KIF14: variants seen among roughly 807,000 people sequenced by gnomAD.
KIF14 encodes the protein kinesin family member 14.
A neutral mutation model predicts 176.2 loss-of-function variants in KIF14; 98 were observed. The ratio of observed to expected loss-of-function variants is 0.56; its 90% confidence interval spans 0.47 to 0.66. The LOEUF (loss-of-function observed/expected upper bound fraction) is 0.66. KIF14 is among the 30% of genes least tolerant of loss of function. KIF14 has a pLI of 0.00. For missense variants in KIF14, 1,751 were observed against 1,920.4 expected (o/e 0.91, Z 1.65); for synonymous variants, 566 against 632.2 (o/e 0.90, Z 1.57).
At chr1:200,561,348 G>A (rs369001959) in intron 25 of KIF14, among the ~76,000 whole-genome samples, 1 of 152,044 alleles carries the variant, frequency 6.6e-6, no homozygotes, top group East Asian at 1.9e-4. Flanking sequence ...AGGCCAGCCT[G>A]GTCAATATGG....
At chr1:200,576,477 C>CGAAA (rs576387999) in intron 21 of KIF14, among the ~76,000 whole-genome samples, 1 of 87,484 alleles carries the variant, frequency 1.1e-5, no homozygotes. Flanking sequence ...GACTCCGTCT[C>CGAAA]AAAAAAAAAA....
At chr1:200,615,704 A>G (rs1320354393) in intron 2 of KIF14, 95 bp from the exon 3 acceptor site, 6 of 1,071,870 alleles carry the variant, frequency 5.6e-6, no homozygotes, top group East Asian at 2.5e-5. Flanking sequence ...CTATTTAAAC[A>G]ATCTTCCAAG....
rs148994696 is a variant in KIF14, at chr1:200,554,385, C to T, written c.4567+83G>A. 2.7e-3 allele frequency: 2,402 copies of T among 874,234 alleles called. 34 individuals carry two copies. In the African/African-American group the frequency reaches 0.034, roughly 12 times the overall value. The allele number at this position is 874,234 out of a possible 1,614,324, so 54.2% of individuals were successfully genotyped here. On this transcript the variant is annotated intron_variant, in intron 29 of 29. Transcript: ENST00000367350. ...CAGCCTGAGTGACAGAGCGAGACTC[C>T]ATCTCAAAAAAAAAAAGGAAAGATG...
At chr1:200,596,891 T>TCC (rs1659377482) in intron 14 of KIF14, among the ~76,000 whole-genome samples, 2 of 133,098 alleles carry the variant, frequency 1.5e-5, no homozygotes, top group Admixed American at 1.5e-4. Flanking sequence ...TCTCTCTCTT[T>TCC]TTTTTTTTTT....
At chr1:200,606,038 G>A in intron 6 of KIF14, 144 bp from the exon 7 acceptor site, 1 of 444,852 alleles carries the variant, frequency 2.2e-6, no homozygotes, top group Non-Finnish European at 4.1e-6. Flanking sequence ...GATTCTCCCA[G>A]AATCTTTTAT....
intron 7 of KIF14, 97 bp from the exon 8 acceptor site, chr1:200,605,487 C>T (rs1021049461): frequency 9.5e-6 from 7 of 734,166 alleles, no homozygotes; most frequent in Non-Finnish European, 1.3e-5. Context: ...TAATTCAGAT[C>T]AGCAGACTGT....
chr1:200,567,698 T>C (rs1657547573), intron 23 of KIF14, among the ~76,000 whole-genome samples: 1 of 152,070 alleles, frequency 6.6e-6, no homozygotes. Context: ...ATATATTGAG[T>C]ATAATTATTC....
intron 4 of KIF14, among the ~76,000 whole-genome samples, chr1:200,611,311 T>C (rs892218317): frequency 1.1e-4 from 16 of 152,050 alleles, no homozygotes; most frequent in African/African-American, 3.6e-4. Flanking sequence ...TGTGGGAAAA[T>C]ATGAGATGAA....
intron 23 of KIF14, among the ~76,000 whole-genome samples, chr1:200,568,711 T>C (rs1476740746): frequency 6.6e-6 from 1 of 152,186 alleles, no homozygotes; most frequent in Admixed American, 6.5e-5. Context: ...TAACCACTAT[T>C]CAGTTCTAAC....
rs1558097765 is a variant in KIF14, at chr1:200,618,268, T to A, written c.456A>T (p.Glu152Asp). 2 of 1,613,862 alleles carry A rather than the reference T, an allele frequency of 1.2e-6. No homozygotes were observed. The highest frequency in any genetic ancestry group is 4.5e-5 in the East Asian group (2 of 44,882). ...TACTTTCCTTAGAAACACCATTATTTTCTGTTTCACCTCCCACATTCAGTG... is the reference window on the plus strand; with the variant it reads ...TACTTTCCTTAGAAACACCATTATTATCTGTTTCACCTCCCACATTCAGTG... ...KMTLNVGGET[E>D]NNGVSKESRT... The change falls in exon 2 of 30, where the codon GAA (glutamate) becomes GAT (aspartate). Residue 152 changes from glutamate to aspartate, a missense_variant. Transcript: ENST00000367350.
chr1:200,585,786 G>A (rs573966234), intron 19 of KIF14, among the ~76,000 whole-genome samples: 2 of 152,060 alleles, frequency 1.3e-5, no homozygotes, highest in Non-Finnish European at 2.9e-5. Flanking sequence ...ATCTATGAGG[G>A]CTCTACCCTC....
In KIF14 at chr1:200,618,372, G is replaced by A. The variant is rs556926798; in HGVS notation, c.352C>T (p.Arg118Cys). ...TTAGCACGACGTTGTAATGTAAGAC[G>A]TGTTTCTGCTGTTTTTTCAGTTGTG... ...EDTTEKTAET[R>C]LTLQRRAKTD... Residue 118 changes from arginine (R) to cysteine (C), a missense_variant, in exon 2 of 30, where the codon CGT becomes TGT. Arg to Cys is a radical substitution (Grantham distance 180). Coordinates refer to ENST00000367350, the MANE Select transcript of KIF14 (RefSeq NM_014875.3). 282 of 1,614,016 alleles carry A rather than the reference G, an allele frequency of 1.7e-4. 4 individuals are homozygous for A. In the South Asian group the frequency reaches 2.8e-3, roughly 16 times the overall value.
intron 6 of KIF14, 89 bp downstream of exon 6, chr1:200,606,657 A>G (rs1659895744): frequency 1.7e-6 from 2 of 1,154,452 alleles, no homozygotes; most frequent in Non-Finnish European, 1.3e-6. Context: ...TAGGAAGGCC[A>G]ATGAGAATAC....
intron 5 of KIF14, 33 bp downstream of exon 5, chr1:200,608,797 T>C (rs751624279): frequency 3.8e-6 from 5 of 1,305,288 alleles, no homozygotes; most frequent in Admixed American, 3.4e-5. Context: ...AGAACAGAAA[T>C]TCAAAACAAA....
At chr1:200,618,903 A>C in intron 1 of KIF14, 65 bp from the exon 2 acceptor site, 2 of 541,400 alleles carry the variant, frequency 3.7e-6, no homozygotes, top group Non-Finnish European at 6.4e-6. Flanking sequence ...TATAGAGAGA[A>C]CATCCCATTG....
rs771180006 is a variant in KIF14 at position 200,581,238 on chromosome 1, T to A, written c.3298A>T (p.Ile1100Phe). 6.2e-7 allele frequency: 1 copy of A among 1,605,028 alleles called. No individual in the cohort carries two copies. The highest frequency in any genetic ancestry group is 1.1e-5 in the South Asian group (1 of 89,006). Residue 1100 changes from isoleucine to phenylalanine, a missense_variant, in exon 20 of 30, where the codon ATC (isoleucine) becomes TTC (phenylalanine). Physicochemically the swap from Ile to Phe is conservative, Grantham distance 21 (BLOSUM62 0). Transcript: ENST00000367350. ...TAGTATGTTTTCAATTTGCTGCTGA[T>A]AGCATTGGCTTCCTGAATCATCATT... ...LSMMIQEANA[I>F]SSKLKTYYVF...
intron 4 of KIF14, among the ~76,000 whole-genome samples, chr1:200,610,229 G>C (rs143306723): frequency 2.0e-5 from 3 of 152,072 alleles, no homozygotes; most frequent in Non-Finnish European, 4.4e-5. Flanking sequence ...GGCTGGGCGC[G>C]GTGGCTCACG....
At chr1:200,569,845 A>C (rs941295730) in intron 23 of KIF14, 66 bp downstream of exon 23, 2 of 831,568 alleles carry the variant, frequency 2.4e-6, no homozygotes, top group African/African-American at 3.4e-5. Flanking sequence ...GATAAGAAAA[A>C]ATGTAATGGT....
intron 21 of KIF14, among the ~76,000 whole-genome samples, chr1:200,578,395 A>C (rs2102643036): frequency 6.6e-6 from 1 of 152,260 alleles, no homozygotes; most frequent in African/African-American, 2.4e-5. Context: ...ATATAGTTCC[A>C]TATGGAGTCA....
Sources: allele counts gnomAD v4.1 joint callset (sites outside exome capture counted in the v4.1 genomes callset), GRCh38; gene constraint gnomAD v4.1.1; transcripts MANE v1.5; gene names NCBI Gene and HGNC (gene_info 2026-07-23, HGNC 2026-07-21).